Variants in PVALB observed in about 807,000 individuals in gnomAD.
PVALB encodes parvalbumin, also known as parvalbumin alpha.
In PVALB, 11 loss-of-function variants were observed where a neutral mutation model predicts 10.9. The ratio of observed to expected loss-of-function variants is 1.01; its 90% CI spans 0.63 to 1.67. The LOEUF (loss-of-function observed/expected upper bound fraction) is 1.67. PVALB is among the 40% of genes most tolerant of loss of function. PVALB has a pLI of 0.00. For synonymous variants in PVALB, 57 were observed against 50.7 expected, an observed-to-expected ratio of 1.12 and a Z score of -0.53; for missense variants, 131 against 136.2, an observed-to-expected ratio of 0.96 and a Z score of 0.19.
upstream of PVALB, chr22:36,817,628 G>T: frequency 6.5e-6 from 1 of 154,986 alleles, no homozygotes; most frequent in Non-Finnish European, 1.4e-5. Flanking sequence ...ACAGGGACAG[G>T]CAGGAGCTGC....
chr22:36,813,839 C>A, intron 2 of PVALB, 84 bp from the exon 3 acceptor site: 1 of 1,041,500 alleles, frequency 9.6e-7, no homozygotes, highest in Non-Finnish European at 1.5e-6. Context: ...GGTCTGGTTT[C>A]TGTATGGGGA....
chr22:36,813,594 C>T, intron 3 of PVALB, 52 bp downstream of exon 3: 1 of 1,468,950 alleles, frequency 6.8e-7, no homozygotes, highest in South Asian at 1.1e-5. Context: ...CTTTTCGCAT[C>T]CAACACCCCA....
chr22:36,802,973 G>A (rs150791786), intron 3 of PVALB, among the ~76,000 whole-genome samples: 19 of 152,322 alleles, frequency 1.2e-4, no homozygotes, highest in African/African-American at 4.6e-4. Context: ...GATCTTCCAG[G>A]ACCTCGGTGG....
At position 36,813,560 on chromosome 22, in the gene PVALB, C is replaced by T. The variant is rs1939079840; in HGVS notation, c.304+86G>A. 2.7e-6 allele frequency: 3 copies of T among 1,128,674 alleles called. 1 individual carries two copies. Among genetic ancestry groups the T allele is most frequent in the Non-Finnish European group, 4.0e-6 (3 of 743,736 alleles). 69.9% of individuals were successfully genotyped at this position (1,128,674 alleles called of 1,614,324 possible). ...GTGAGGGACCCCCATATCATCCCTT[C>T]CTTGTGACAGACATAGCTTCAAACT... On this transcript the variant is annotated intron_variant, in intron 3 of 3. Coordinates refer to ENST00000417718, the MANE Select transcript of PVALB (RefSeq NM_001315532.2).
In PVALB at chr22:36,815,175, G is replaced by A. The variant is rs74804322; in HGVS notation, c.122C>T (p.Ala41Val). ...FQMVGLKKKS[A>V]DDVKKVFHML... is the part of the protein sequence containing the mutation. Reference sequence around the variant, plus strand: ...GTGAAACACCTTCTTCACATCATCCGCACTCTTTTTCTTCAGGCCGACCAT... The same window carrying A: ...GTGAAACACCTTCTTCACATCATCCACACTCTTTTTCTTCAGGCCGACCAT... Residue 41 changes from alanine to valine, a missense_variant, in exon 2 of 4, where the codon GCG becomes GTG. Coordinates refer to ENST00000417718, the MANE Select transcript of PVALB (RefSeq NM_001315532.2). The A allele has an allele frequency of 2.0e-3, 3,257 of 1,614,110 alleles. 65 individuals are homozygous for A. In the African/African-American group the frequency reaches 0.039, roughly 19 times the overall value.
chr22:36,811,650 C>T (rs1426123925), intron 3 of PVALB: 1 of 418,630 alleles, frequency 2.4e-6, no homozygotes, highest in Non-Finnish European at 4.9e-6. Context: ...GAGCAGTCAG[C>T]CATGAAGACC....
intron 1 of PVALB, among the ~76,000 whole-genome samples, chr22:36,815,910 A>G (rs1393841603): frequency 3.3e-5 from 5 of 151,910 alleles, no homozygotes; most frequent in Non-Finnish European, 5.9e-5. Flanking sequence ...GTGGCTTCCC[A>G]GAGAGGTTCT....
intron 3 of PVALB, 130 bp from the exon 4 acceptor site, chr22:36,801,048 T>TA (rs1315395666): frequency 4.8e-6 from 4 of 831,478 alleles, no homozygotes; most frequent in Non-Finnish European, 8.0e-6. Context: ...CCCCAGAGCG[T>TA]AAGTGTGAAA....
intron 1 of PVALB, 86 bp downstream of exon 1, chr22:36,816,859 A>G: frequency 8.2e-7 from 1 of 1,219,670 alleles, no homozygotes; most frequent in South Asian, 1.4e-5. Flanking sequence ...GCTGGGGAGG[A>G]TCCGCCGGCT....
chr22:36,815,667 T>C (rs2145954987), intron 1 of PVALB, among the ~76,000 whole-genome samples: 1 of 152,272 alleles, frequency 6.6e-6, no homozygotes. Context: ...GTTGACCTTC[T>C]TTCTTGGCCA....
intron 3 of PVALB, among the ~76,000 whole-genome samples, chr22:36,812,627 G>T (rs1180855054): frequency 6.7e-6 from 1 of 149,374 alleles, no homozygotes; most frequent in Non-Finnish European, 1.5e-5. Context: ...ATTACGCAAG[G>T]TCACACAGCT....
chr22:36,802,199 T>C, intron 3 of PVALB, among the ~76,000 whole-genome samples: 1 of 152,158 alleles, frequency 6.6e-6, no homozygotes, highest in East Asian at 1.9e-4. Flanking sequence ...TGTACAGGAC[T>C]CTCTGTACTA....
At chr22:36,813,900 T>C in intron 2 of PVALB, 145 bp from the exon 3 acceptor site, 1 of 679,874 alleles carries the variant, frequency 1.5e-6, no homozygotes, top group East Asian at 2.5e-5. Flanking sequence ...ACGGATGCTC[T>C]GGGCCAGGTA....
chr22:36,805,878 C>T (rs1305304985), intron 3 of PVALB, among the ~76,000 whole-genome samples: 1 of 152,094 alleles, frequency 6.6e-6, no homozygotes, highest in Non-Finnish European at 1.5e-5. Flanking sequence ...AAACAGAGGG[C>T]ACGGAAAGCC....
At chr22:36,802,827 C>G (rs1391756495) in intron 3 of PVALB, among the ~76,000 whole-genome samples, 1 of 151,918 alleles carries the variant, frequency 6.6e-6, no homozygotes, top group South Asian at 2.1e-4. Context: ...TTTGAAATCT[C>G]CAGGCTCTCT....
chr22:36,815,215 T>C lies in PVALB; in HGVS notation c.82A>G (p.Lys28Glu). The C allele has an allele frequency of 6.2e-7, 1 of 1,614,190 alleles. No homozygotes were observed. The highest frequency in any genetic ancestry group is 2.2e-5 in the East Asian group (1 of 44,880). ...AGGCCGACCATTTGGAAGAACTTTT[T>C]GTGGTCGAAGGAGTCGGTAGCTGTG... ...AFSATDSFDHKKFFQMVGLKK... is the reference protein window; with the variant it reads ...AFSATDSFDHEKFFQMVGLKK... The change falls in exon 2 of 4, where the codon AAA (lysine) becomes GAA (glutamate). Residue 28 changes from lysine (K) to glutamate (E), a missense_variant. Transcript: ENST00000417718.
chr22:36,817,069 T>A, upstream of PVALB: 3 of 1,480,250 alleles, frequency 2.0e-6, no homozygotes, highest in Non-Finnish European at 2.8e-6. Context: ...TCTCATCATT[T>A]CTGCTCATAT....
At chr22:36,812,590 A>G (rs535495484) in intron 3 of PVALB, among the ~76,000 whole-genome samples, 6 of 152,360 alleles carry the variant, frequency 3.9e-5, no homozygotes, top group African/African-American at 1.4e-4. Flanking sequence ...CAGAGATGAG[A>G]AAACAGAGGC....
chr22:36,817,103 C>T (rs1252354208), upstream of PVALB: 3 of 1,168,754 alleles, frequency 2.6e-6, no homozygotes, highest in African/African-American at 1.6e-5. Flanking sequence ...GTGCTGCGCG[C>T]CGGGCGCACG....
Sources: allele counts gnomAD v4.1 joint callset (sites outside exome capture counted in the v4.1 genomes callset), GRCh38; gene constraint gnomAD v4.1.1; transcripts MANE v1.5; gene names NCBI Gene and HGNC (gene_info 2026-07-23, HGNC 2026-07-21).